ATRX: variants seen among roughly 807,000 people sequenced by gnomAD.
ATRX encodes chromatin remodeler ATRX.
Under a neutral mutation model 172.6 loss-of-function variants are expected in ATRX, and 12 were observed. That is an observed-to-expected ratio of 0.07 (90% CI 0.04 to 0.11). The LOEUF is 0.11. Among genes scored for constraint, ATRX ranks in the 10% least tolerant of loss-of-function variants. ATRX has a pLI of 1.00. For synonymous variants in ATRX, 674 were observed against 594.7 expected, an observed-to-expected ratio of 1.13 and a Z score of -1.94; for missense variants, 1,368 against 1,767.4, an observed-to-expected ratio of 0.77 and a Z score of 4.05.
At chrX:77,598,097 C>T in intron 25 of ATRX, among the ~76,000 whole-genome samples, 1 of 111,905 alleles carries the variant, frequency 8.9e-6, no homozygotes, top group East Asian at 2.8e-4. Context: ...AGAATATACA[C>T]AGCCACAATA....
At chrX:77,550,868 G>C (rs1237932260) in intron 30 of ATRX, among the ~76,000 whole-genome samples, 1 of 111,474 alleles carries the variant, frequency 9.0e-6, no homozygotes, top group Admixed American at 9.6e-5. Context: ...ATTCTCAGTT[G>C]CTTCAAAGAG....
rs1158826034 is a variant in ATRX, at chrX:77,654,188, T to A, written c.4227A>T (p.Lys1409Asn). 8.3e-7 allele frequency: 1 copy of A among 1,207,940 alleles called. No individual in the cohort carries two copies. Among genetic ancestry groups the A allele is most frequent in the Admixed American group, 2.2e-5 (1 of 46,078 alleles). Residue 1409 changes from lysine (K) to asparagine (N), a missense_variant, in exon 14 of 35, where the codon AAA (lysine) becomes AAT (asparagine). Physicochemically the swap from Lys to Asn is moderately conservative, Grantham distance 94 (BLOSUM62 0). Transcript: ENST00000373344. The stretch of plus-strand genomic sequence containing the variant: ...TCCGCTGATTTTCTTCCAACTCTGC[T>A]TTCTTTGCAGACCTGACGAAAATTT... ...EQRPRTRSAKKAELEENQRSY... is the reference protein window; with the variant it reads ...EQRPRTRSAKNAELEENQRSY...
In ATRX at chrX:77,786,052, G is replaced by C. The variant is rs1557207742; in HGVS notation, c.-51C>G. 1 of 1,149,353 alleles carries C rather than the reference G, an allele frequency of 8.7e-7. No homozygotes were observed. Among genetic ancestry groups the C allele is most frequent in the South Asian group, 1.9e-5 (1 of 52,133 alleles). 94.7% of individuals were successfully genotyped at this position (1,149,353 alleles called of 1,213,427 possible). ...TTCTGTGATTGCTGGGCGCCGATCT[G>C]CGCTCCCCCGCGCCCGGTTACGATA... On this transcript the variant is annotated 5_prime_UTR_variant, in exon 1 of 35. Coordinates refer to ENST00000373344, the MANE Select transcript of ATRX (RefSeq NM_000489.6).
chrX:77,750,220 A>G (rs2075246043), intron 1 of ATRX, among the ~76,000 whole-genome samples: 1 of 111,703 alleles, frequency 9.0e-6, no homozygotes, highest in African/African-American at 3.3e-5. Context: ...CATAAATATG[A>G]GTGTACAGGA....
chrX:77,769,454 A>G (rs1379118303), intron 1 of ATRX, among the ~76,000 whole-genome samples: 2 of 109,427 alleles, frequency 1.8e-5, no homozygotes, highest in Non-Finnish European at 3.8e-5. Context: ...ATGCCCAGCT[A>G]ATTTTTATAT....
chrX:77,704,198 C>T (rs782555893), intron 2 of ATRX, among the ~76,000 whole-genome samples: 1 of 111,057 alleles, frequency 9.0e-6, no homozygotes, highest in Admixed American at 9.5e-5. Context: ...ATCGTCTCTG[C>T]AGCTCTCAGC....
chrX:77,729,124 C>CAAAAAAA (rs782218800), intron 1 of ATRX, among the ~76,000 whole-genome samples: 1 of 32,166 alleles, frequency 3.1e-5, no homozygotes. Context: ...CTCACAAAAG[C>CAAAAAAA]AAAAAAAAAA....
intron 1 of ATRX, among the ~76,000 whole-genome samples, chrX:77,784,355 TAAGA>T (rs1341104501): frequency 1.8e-5 from 2 of 112,541 alleles, no homozygotes; most frequent in Non-Finnish European, 3.7e-5. Flanking sequence ...CCAAGACTAG[TAAGA>T]AAAACTGACC....
chrX:77,692,019 C>CA (rs2071918772), intron 6 of ATRX, among the ~76,000 whole-genome samples: 1 of 111,633 alleles, frequency 9.0e-6, no homozygotes, highest in Non-Finnish European at 1.9e-5. Flanking sequence ...CAGCTGAGAC[C>CA]AAATGTCAGC....
chrX:77,604,845 G>T (rs183064101), intron 22 of ATRX, among the ~76,000 whole-genome samples: 2 of 112,142 alleles, frequency 1.8e-5, no homozygotes, highest in African/African-American at 6.5e-5. Flanking sequence ...CATGTCTTCT[G>T]CAGTAACATG....
At chrX:77,771,266 C>T (rs2076142830) in intron 1 of ATRX, among the ~76,000 whole-genome samples, 1 of 108,799 alleles carries the variant, frequency 9.2e-6, no homozygotes, top group Admixed American at 1.0e-4. Flanking sequence ...ATGCCAGCTA[C>T]TCAAGAGGCT....
intron 25 of ATRX, chrX:77,594,374 T>C (rs1200483996): frequency 8.9e-6 from 1 of 111,770 alleles, no homozygotes; most frequent in Non-Finnish European, 1.9e-5. Context: ...AATCAGCATA[T>C]CATATTAAAT....
Position 77,620,485 on chromosome X carries a change from C to T in ATRX, c.5182G>A (p.Ala1728Thr), listed in dbSNP as rs782399664. 1.7e-6 allele frequency: 2 copies of T among 1,208,238 alleles called. No homozygotes were observed. The highest frequency in any genetic ancestry group is 2.2e-6 in the Non-Finnish European group (2 of 892,738). Residue 1728 changes from alanine to threonine, a missense_variant, in exon 20 of 35, where the codon GCA (alanine) becomes ACA (threonine). Coordinates refer to ENST00000373344, the MANE Select transcript of ATRX (RefSeq NM_000489.6). ...CDEGHILKNE[A>T]SAVSKAMNSI... ...TTCATAGCTTTAGAAACAGCAGATG[C>T]TTCATTTTTTAGAATATGGCCTTCA...
At chrX:77,510,676 GTGC>G (rs781790681) in intron 34 of ATRX, among the ~76,000 whole-genome samples, 4 of 112,126 alleles carry the variant, frequency 3.6e-5, no homozygotes, top group Non-Finnish European at 7.5e-5. Context: ...TGGGCCTGGG[GTGC>G]TAGTGGTCAC....
At chrX:77,607,242 A>C (rs1394199266) in intron 22 of ATRX, among the ~76,000 whole-genome samples, 13 of 112,201 alleles carry the variant, frequency 1.2e-4, no homozygotes, top group African/African-American at 4.2e-4. Flanking sequence ...AAGAAAAAAA[A>C]CTAAAGACTC....
At chrX:77,583,737 T>C (rs2065911430) in intron 27 of ATRX, among the ~76,000 whole-genome samples, 1 of 111,505 alleles carries the variant, frequency 9.0e-6, no homozygotes, top group Non-Finnish European at 1.9e-5. Flanking sequence ...ATCAAGAACA[T>C]GACAAGGATG....
intron 34 of ATRX, among the ~76,000 whole-genome samples, chrX:77,517,572 C>T (rs2063096604): frequency 8.9e-6 from 1 of 111,987 alleles, no homozygotes; most frequent in South Asian, 3.7e-4. Context: ...AATGTCTTCA[C>T]TGCTGAATTT....
chrX:77,652,135 A>T lies in ATRX; in HGVS notation c.4536T>A (p.Arg1512=), dbSNP rs782440965. ...TTACCTCTCTCAATTTTTCTCGCTC[A>T]CGCTCCCTCTCAGCAATACGTTTTC... ...ERRKRIAERE[R]EREKLREVIE... is the part of the protein sequence containing the mutation. The change falls in exon 15 of 35, where the codon CGT becomes CGA. Residue 1512 remains arginine, a synonymous_variant. Transcript: ENST00000373344. The T allele has an allele frequency of 8.3e-7, 1 of 1,211,413 alleles. No homozygotes were observed. Among genetic ancestry groups the T allele is most frequent in the Admixed American group, 2.2e-5 (1 of 46,015 alleles).
At chrX:77,784,927 CATCTCCGA>C (rs2076682721) in intron 1 of ATRX, among the ~76,000 whole-genome samples, 1 of 111,974 alleles carries the variant, frequency 8.9e-6, no homozygotes, top group South Asian at 3.7e-4. Context: ...GCCAAGGATG[CATCTCCGA>C]GTAAAAAAAT....
Sources: allele counts gnomAD v4.1 joint callset (sites outside exome capture counted in the v4.1 genomes callset), GRCh38; gene constraint gnomAD v4.1.1; transcripts MANE v1.5; gene names NCBI Gene and HGNC (gene_info 2026-07-23, HGNC 2026-07-21).